Variants in TACC2 observed in about 807,000 individuals in gnomAD.
The protein encoded by TACC2 is transforming acidic coiled-coil containing protein 2.
In TACC2, 137 loss-of-function variants were observed where a neutral mutation model predicts 227.3. The observed-to-expected ratio is 0.60, with a 90% confidence interval of 0.52 to 0.69. TACC2 has a LOEUF of 0.69. TACC2 is among the 30% of genes least tolerant of loss of function. The pLI is 0.00. For missense variants in TACC2, 3,470 were observed against 3,694.4 expected (o/e 0.94, Z 1.57); for synonymous variants, 1,523 against 1,487.5 (o/e 1.02, Z -0.55).
intron 5 of TACC2, among the ~76,000 whole-genome samples, chr10:122,126,425 C>T (rs1239196855): frequency 1.3e-5 from 2 of 151,316 alleles, no homozygotes; most frequent in African/African-American, 4.8e-5. Context: ...GCGACTCCCC[C>T]AGCTGGGAAG....
chr10:122,109,794 G>A (rs1423289931), intron 5 of TACC2, among the ~76,000 whole-genome samples: 1 of 152,130 alleles, frequency 6.6e-6, no homozygotes, highest in East Asian at 1.9e-4. Flanking sequence ...TGCCTTATCC[G>A]GTTCTCTCCA....
At chr10:122,137,709 C>A (rs1310209502) in intron 6 of TACC2, among the ~76,000 whole-genome samples, 1 of 152,162 alleles carries the variant, frequency 6.6e-6, no homozygotes, top group African/African-American at 2.4e-5. Flanking sequence ...CTGCTGACAA[C>A]CCAGATATGC....
chr10:122,184,550 T>G (rs2094111158), intron 7 of TACC2, among the ~76,000 whole-genome samples: 1 of 152,192 alleles, frequency 6.6e-6, no homozygotes, highest in African/African-American at 2.4e-5. Flanking sequence ...TCCCCAGCAG[T>G]GTGGCTGAGC....
intron 11 of TACC2, among the ~76,000 whole-genome samples, chr10:122,221,742 T>G (rs2141248569): frequency 6.6e-6 from 1 of 152,250 alleles, no homozygotes; most frequent in South Asian, 2.1e-4. Flanking sequence ...CATCGAAGGG[T>G]TTTTATCTTA....
rs142595789 is a variant in TACC2 at position 122,216,632 on chromosome 10, C to T, written c.7350C>T (p.Pro2450=). ...SPLSDPPSQD[P]TPAATPETPP... ...AGTTTCTCTTCTCTTTGCAGGACCC[C>T]ACCCCAGCTGCTACACCAGAAACAC... Residue 2450 remains proline, a synonymous_variant, in exon 11 of 23, where the codon CCC becomes CCT. Coordinates refer to ENST00000369005, the MANE Select transcript of TACC2 (RefSeq NM_206862.4). The T allele has an allele frequency of 1.9e-6, 3 of 1,613,602 alleles. No homozygotes were observed. Among genetic ancestry groups the T allele is most frequent in the African/African-American group, 1.3e-5 (1 of 74,940 alleles).
chr10:122,238,161 C>T, intron 18 of TACC2, 124 bp downstream of exon 18: 1 of 680,388 alleles, frequency 1.5e-6, no homozygotes, highest in Non-Finnish European at 2.5e-6. Context: ...CTTTATTACA[C>T]ACAGTTCATA....
chr10:122,195,182 C>G lies in TACC2; in HGVS notation c.5971+6C>G, dbSNP rs926809480. ...GCCACCCCCGGAAGAACCAGGTAAC[C>G]AAGGGCAGGGAGGCCCCCAGACAGC... On this transcript the variant is annotated splice_donor_region_variant and intron_variant, in intron 8 of 22. Transcript: ENST00000369005. The G allele has an allele frequency of 3.7e-6, 6 of 1,605,664 alleles. No individual in the cohort carries two copies. The highest frequency in any genetic ancestry group is 4.3e-6 in the Non-Finnish European group (5 of 1,174,932).
rs1420340279 is a variant in TACC2, at chr10:122,216,752, T to C, written c.7470T>C (p.Ala2490=). 6.2e-7 allele frequency: 1 copy of C among 1,614,136 alleles called. No homozygotes were observed. Among genetic ancestry groups the C allele is most frequent in the Admixed American group, 1.7e-5 (1 of 60,014 alleles). The change falls in exon 11 of 23, where the codon GCT becomes GCC. Residue 2490 remains alanine (A), a synonymous_variant. Coordinates refer to ENST00000369005, the MANE Select transcript of TACC2 (RefSeq NM_206862.4). Reference sequence around the variant, plus strand: ...CGTGCATGACAGTGGACCTAGAGGCTGACAAACAGGACTACCCGCAGCCCT... The same window carrying C: ...CGTGCATGACAGTGGACCTAGAGGCCGACAAACAGGACTACCCGCAGCCCT... The part of the protein sequence containing the change: ...KWTCMTVDLE[A]DKQDYPQPSD...
At chr10:122,165,906 T>A (rs943447003) in intron 7 of TACC2, among the ~76,000 whole-genome samples, 10 of 152,234 alleles carry the variant, frequency 6.6e-5, no homozygotes, top group Admixed American at 6.5e-4. Context: ...CTTATTTTTC[T>A]AGTGCAGATG....
chr10:122,127,401 T>C (rs942560997), intron 5 of TACC2, among the ~76,000 whole-genome samples: 1 of 152,158 alleles, frequency 6.6e-6, no homozygotes, highest in Non-Finnish European at 1.5e-5. Context: ...AACCTGAACG[T>C]CTTCCTTTTT....
chr10:122,089,429 A>C (rs1456589189), intron 5 of TACC2, among the ~76,000 whole-genome samples: 1 of 152,218 alleles, frequency 6.6e-6, no homozygotes, highest in Non-Finnish European at 1.5e-5. Context: ...TCGAGATTCA[A>C]GGAGGGTAAA....
rs762309480 is a variant in TACC2 at position 122,087,035 on chromosome 10, C to T, written c.4535C>T (p.Ala1512Val). 1 of 1,613,782 alleles carries T rather than the reference C, an allele frequency of 6.2e-7. No individual in the cohort carries two copies. Among genetic ancestry groups the T allele is most frequent in the South Asian group, 1.1e-5 (1 of 91,076 alleles). ...GLTWERNLPG[A>V]GVGKEMAGVP... ...ACCTGGGAGCGGAACTTGCCAGGTGCCGGTGTGGGGAAGGAGATGGCAGGT... is the reference window on the plus strand; with the variant it reads ...ACCTGGGAGCGGAACTTGCCAGGTGTCGGTGTGGGGAAGGAGATGGCAGGT... The change falls in exon 4 of 23, where the codon GCC becomes GTC. Residue 1512 changes from alanine to valine, a missense_variant. Ala to Val is a moderately conservative substitution (Grantham distance 64). This residue lies in a region of TACC2 where 1,924 missense variants were observed against 1,978.3 expected (regional missense o/e 0.97). Transcript: ENST00000369005.
At chr10:122,239,067 G>A (rs1215001116) in intron 18 of TACC2, among the ~76,000 whole-genome samples, 1 of 151,926 alleles carries the variant, frequency 6.6e-6, no homozygotes, top group Non-Finnish European at 1.5e-5. Context: ...GCGATGGTGC[G>A]ATCTCAGCTC....
chr10:122,167,204 G>A (rs925209441), intron 7 of TACC2, among the ~76,000 whole-genome samples: 7 of 152,358 alleles, frequency 4.6e-5, no homozygotes, highest in Non-Finnish European at 1.0e-4. Flanking sequence ...CTCAAAGTGA[G>A]CACGTGCCCT....
chr10:122,001,731 T>C (rs1033152786), intron 1 of TACC2, among the ~76,000 whole-genome samples: 2 of 152,222 alleles, frequency 1.3e-5, no homozygotes, highest in African/African-American at 4.8e-5. Flanking sequence ...CAAGTTGCTT[T>C]TGGTTGATAT....
chr10:122,036,581 A>G (rs780781116), intron 2 of TACC2, among the ~76,000 whole-genome samples: 1 of 148,720 alleles, frequency 6.7e-6, no homozygotes, highest in Non-Finnish European at 1.5e-5. Context: ...GCTCATTGCA[A>G]CCTCCATCTC....
At chr10:122,125,880 G>A (rs545091331) in intron 5 of TACC2, among the ~76,000 whole-genome samples, 3 of 148,280 alleles carry the variant, frequency 2.0e-5, no homozygotes, top group South Asian at 2.2e-4. Flanking sequence ...AGGTTCAAGC[G>A]ATTCTCCTGC....
Position 122,086,031 on chromosome 10 carries a change from A to G in TACC2, c.3531A>G (p.Leu1177=). The change falls in exon 4 of 23, where the codon CTA becomes CTG. Residue 1177 remains leucine (L), a synonymous_variant. Coordinates refer to ENST00000369005, the MANE Select transcript of TACC2 (RefSeq NM_206862.4). ...TSGEEASTSA[L]RESCQAEHPM... ...GGGAGGAAGCTTCTACCTCTGCCCT[A>G]CGTGAGTCCTGCCAAGCTGAGCACC... The G allele has an allele frequency of 2.5e-6, 4 of 1,613,856 alleles. No individual in the cohort carries two copies. Among genetic ancestry groups the G allele is most frequent in the Non-Finnish European group, 3.4e-6 (4 of 1,179,994 alleles).
intron 19 of TACC2, chr10:122,246,640 G>C (rs1233387872): frequency 1.3e-5 from 2 of 152,266 alleles, no homozygotes; most frequent in African/African-American, 4.8e-5. Context: ...CTGCCCGGGT[G>C]GTTGTGATGC....
Sources: allele counts gnomAD v4.1 joint callset (sites outside exome capture counted in the v4.1 genomes callset), GRCh38; gene constraint gnomAD v4.1.1; regional missense constraint gnomAD v4.1.1; transcripts MANE v1.5; gene names NCBI Gene and HGNC (gene_info 2026-07-23, HGNC 2026-07-21).